Variants in CFAP77 observed in about 807,000 individuals in gnomAD.
CFAP77 encodes the protein cilia and flagella associated protein 77, also known as cilia- and flagella-associated protein 77.
CFAP77 carries 25 observed loss-of-function variants against 31.1 expected under a neutral mutation model. The observed-to-expected ratio is 0.80, with a 90% confidence interval of 0.59 to 1.12. The LOEUF (loss-of-function observed/expected upper bound fraction) is 1.12, where lower values mean the gene tolerates loss of function less well. CFAP77 is among the 50% of genes most tolerant of loss of function. CFAP77 has a pLI of 0.00. For missense variants in CFAP77, 377 were observed against 397.3 expected, an observed-to-expected ratio of 0.95 and a Z score of 0.44; for synonymous variants, 151 against 159.9, an observed-to-expected ratio of 0.94 and a Z score of 0.42.
chr9:132,428,368 C>T (rs1044989690), intron 1 of CFAP77, among the ~76,000 whole-genome samples: 8 of 151,946 alleles, frequency 5.3e-5, no homozygotes, highest in Non-Finnish European at 2.9e-5. Flanking sequence ...CACCTGTAAT[C>T]CCAGCACTTT....
chr9:132,412,795 A>C (rs1850031765), intron 1 of CFAP77, among the ~76,000 whole-genome samples: 1 of 152,138 alleles, frequency 6.6e-6, no homozygotes, highest in Non-Finnish European at 1.5e-5. Flanking sequence ...AGAAAAAGAG[A>C]AAATGGAAAA....
intron 3 of CFAP77, among the ~76,000 whole-genome samples, chr9:132,529,826 A>C (rs1852407044): frequency 8.3e-6 from 1 of 120,188 alleles, no homozygotes. Flanking sequence ...CTCTGTCTCA[A>C]AAAAAAAAAA....
chr9:132,474,106 T>A (rs376380826), intron 1 of CFAP77, among the ~76,000 whole-genome samples: 6 of 152,342 alleles, frequency 3.9e-5, no homozygotes, highest in African/African-American at 1.2e-4. Flanking sequence ...AAAAACTGTT[T>A]TATAGATTTT....
rs1407763074 is a variant in CFAP77, at chr9:132,498,878, T to TGGAG, written c.295+85_295+86insGAGG. On this transcript the variant is annotated intron_variant, in intron 2 of 5. Transcript: ENST00000393216. This position sits in a 1 kb window ranked among gnomAD's most constrained non-coding sequence, Gnocchi z 4.2. ...TCACAGACCCCTTGACCTAGCTCGC[T>TGGAG]GCTTGGCAGCTGGTTGGGTGCTGGA... 2.0e-3 allele frequency: 1,961 copies of TGGAG among 984,366 alleles called. 17 individuals carry two copies. Among genetic ancestry groups the TGGAG allele is most frequent in the Middle Eastern group, 0.02 (68 of 3,424 alleles). 61.0% of individuals were successfully genotyped at this position (984,366 alleles called of 1,614,324 possible). A position where few individuals can be genotyped will look rare whatever the true frequency, so the allele number is the denominator to read the frequency against.
At chr9:132,452,960 T>G (rs1032528369) in intron 1 of CFAP77, among the ~76,000 whole-genome samples, 1 of 152,178 alleles carries the variant, frequency 6.6e-6, no homozygotes, top group African/African-American at 2.4e-5. Context: ...TTAAGCAGAG[T>G]TAATGGCAAT....
intron 3 of CFAP77, among the ~76,000 whole-genome samples, chr9:132,524,656 A>G (rs536469091): frequency 2.6e-5 from 4 of 151,596 alleles, no homozygotes; most frequent in Non-Finnish European, 4.4e-5. Context: ...TTATTTATTT[A>G]TTTATTTATT....
intron 4 of CFAP77, among the ~76,000 whole-genome samples, chr9:132,541,164 C>T (rs563671607): frequency 1.1e-4 from 16 of 152,198 alleles, no homozygotes; most frequent in Non-Finnish European, 1.9e-4. Context: ...CGGGGTATGT[C>T]CTGATTTGGA....
chr9:132,471,101 C>T (rs1851245885), intron 1 of CFAP77, among the ~76,000 whole-genome samples: 1 of 152,152 alleles, frequency 6.6e-6, no homozygotes, highest in South Asian at 2.1e-4. Flanking sequence ...GGCACTGTGT[C>T]CCACTGCCTG....
intron 1 of CFAP77, among the ~76,000 whole-genome samples, chr9:132,435,643 G>C (rs1465248827): frequency 6.6e-6 from 1 of 152,204 alleles, no homozygotes; most frequent in Non-Finnish European, 1.5e-5. Flanking sequence ...GTGTTTGGTA[G>C]ACCGGAGCAG....
chr9:132,461,282 C>T (rs1255595579), intron 1 of CFAP77, among the ~76,000 whole-genome samples: 1 of 152,272 alleles, frequency 6.6e-6, no homozygotes, highest in African/African-American at 2.4e-5. Flanking sequence ...TAGACAAAAC[C>T]CACGCATTGG....
At chr9:132,531,525 G>T (rs1389060984) in intron 3 of CFAP77, among the ~76,000 whole-genome samples, 1 of 151,872 alleles carries the variant, frequency 6.6e-6, no homozygotes, top group Non-Finnish European at 1.5e-5. Context: ...AAGACGAGGT[G>T]GGGGATGGCA....
intron 5 of CFAP77, among the ~76,000 whole-genome samples, chr9:132,547,932 G>A (rs1048336632): frequency 8.5e-5 from 13 of 152,100 alleles, no homozygotes; most frequent in South Asian, 2.1e-4. Context: ...CGCTTCCTCC[G>A]GTTCTCAACC....
At chr9:132,518,620 C>G (rs1852191151) in intron 3 of CFAP77, among the ~76,000 whole-genome samples, 1 of 152,168 alleles carries the variant, frequency 6.6e-6, no homozygotes, top group Non-Finnish European at 1.5e-5. Flanking sequence ...GGATGGGAGG[C>G]ATTTGGAATC....
intron 3 of CFAP77, among the ~76,000 whole-genome samples, chr9:132,502,172 A>T: frequency 6.6e-6 from 1 of 151,182 alleles, no homozygotes; most frequent in Non-Finnish European, 1.5e-5. Flanking sequence ...GAGGCCACTG[A>T]CATTCCATCC....
Position 132,473,701 on chromosome 9 carries a change from G to T in CFAP77, c.196-24994G>T, listed in dbSNP as rs2131738162. 2.0e-5 allele frequency among the ~76,000 whole-genome samples: 3 copies of T among 151,518 alleles called. No individual in the cohort carries two copies. In the Middle Eastern group the frequency reaches 0.01, roughly 515 times the overall value. ...TGACCTTGGAGTTCTATTTTTTTTT[G>T]AGACAGAGTTTCACTCTTGTCACCC... On this transcript the variant is annotated intron_variant, in intron 1 of 5. Transcript: ENST00000393216.
chr9:132,557,130 TGTGTGTGCAGGGTGTGTGTTGGGTGC>T (rs1231184109), intron 5 of CFAP77, among the ~76,000 whole-genome samples: 5 of 152,154 alleles, frequency 3.3e-5, no homozygotes, highest in East Asian at 1.9e-4. Flanking sequence ...TCCTGGGGTG[TGTGTGTGCAGGGTGTGTGTTGGGTGC>T]GTGTGTTGGA....
chr9:132,500,878 T>TG lies in CFAP77; in HGVS notation c.524+1284dup, dbSNP rs1327265299. 4.6e-5 allele frequency among the ~76,000 whole-genome samples: 7 copies of TG among 152,248 alleles called. 1 individual carries two copies. The East Asian group carries it at 1.3e-3, about 29-fold the overall frequency. The stretch of plus-strand genomic sequence containing the variant: ...GGCCACACGCAAGTAGGGAGGGAGA[T>TG]GGGGGGACACCAAGAGAAGAGCCAT... On this transcript the variant is annotated intron_variant, in intron 3 of 5. Coordinates refer to ENST00000393216, the MANE Select transcript of CFAP77 (RefSeq NM_001282957.2).
Position 132,513,452 on chromosome 9 carries a change from C to G in CFAP77, c.524+13852C>G, listed in dbSNP as rs536739229. On this transcript the variant is annotated intron_variant, in intron 3 of 5. Transcript: ENST00000393216. Reference sequence around the variant, plus strand: ...CTTCCTAGCCTCAGCCCCTCCCCGTCTTCCCTGAGGACCCTCCCGAGGTTG... The same window carrying G: ...CTTCCTAGCCTCAGCCCCTCCCCGTGTTCCCTGAGGACCCTCCCGAGGTTG... 271 of 1,372,220 alleles carry G rather than the reference C, an allele frequency of 2.0e-4. 2 individuals are homozygous for G. In the South Asian group the frequency reaches 4.3e-3, roughly 22 times the overall value. The allele number at this position is 1,372,220 out of a possible 1,614,324, so 85.0% of individuals were successfully genotyped here. A position where few individuals can be genotyped will look rare whatever the true frequency, so the allele number is the denominator to read the frequency against.
intron 1 of CFAP77, among the ~76,000 whole-genome samples, chr9:132,456,326 C>T (rs1251902981): frequency 1.3e-5 from 2 of 152,224 alleles, no homozygotes; most frequent in African/African-American, 4.8e-5. Context: ...CTCCCAGCCT[C>T]ATGTGCCTTG....
Sources: allele counts gnomAD v4.1 joint callset (sites outside exome capture counted in the v4.1 genomes callset), GRCh38; gene constraint gnomAD v4.1.1; non-coding constraint Gnocchi (gnomAD v3.1); transcripts MANE v1.5; gene names NCBI Gene and HGNC (gene_info 2026-07-23, HGNC 2026-07-21).